The following RBFOX1 variants were observed in gnomAD, a reference collection of about 807,000 sequenced individuals.
RBFOX1 encodes RNA binding fox-1 homolog 1.
A neutral mutation model predicts 57.7 loss-of-function variants in RBFOX1; 8 were observed. The observed-to-expected ratio is 0.14, with a 90% CI of 0.08 to 0.25. RBFOX1 has a LOEUF of 0.25. RBFOX1 is among the 10% of genes least tolerant of loss of function. The pLI is 1.00. For missense variants in RBFOX1, 611 were observed against 548.5 expected, an observed-to-expected ratio of 1.11 and a Z score of -1.14; for synonymous variants, 326 against 222.4, an observed-to-expected ratio of 1.47 and a Z score of -4.15.
intron 1 of RBFOX1, among the ~76,000 whole-genome samples, chr16:6,120,344 C>A (rs75926199): frequency 0.015 from 2,358 of 152,280 alleles, 69 homozygotes; most frequent in African/African-American, 0.053. Context: ...CTTACTGAGG[C>A]ATCAGCAAGC....
At position 6,489,389 on chromosome 16, in the gene RBFOX1, A is replaced by C. The variant is rs146780950; in HGVS notation, c.-63-165214A>C. On this transcript the variant is annotated intron_variant, in intron 2 of 15. Coordinates refer to ENST00000550418, the MANE Select transcript of RBFOX1 (RefSeq NM_018723.4). ...CTCTTGCAAATGCTTTAAAATATTA[A>C]TTCATTGAATCTTTAAGATAAGCCT... is the stretch of plus-strand genomic sequence containing the variant. 6.0e-3 allele frequency among the ~76,000 whole-genome samples: 919 copies of C among 152,274 alleles called. 3 individuals carry two copies. Among genetic ancestry groups the C allele is most frequent in the Middle Eastern group, 0.034 (10 of 294 alleles).
chr16:7,358,568 C>T (rs569404320), intron 4 of RBFOX1, among the ~76,000 whole-genome samples: 2 of 152,116 alleles, frequency 1.3e-5, no homozygotes, highest in African/African-American at 2.4e-5. Context: ...TTACAGGAGT[C>T]TGCCATCATG....
chr16:6,772,113 C>T lies in RBFOX1; in HGVS notation c.-16+117463C>T, dbSNP rs529285666. Among the ~76,000 whole-genome samples the T allele has an allele frequency of 6.6e-5, 10 of 152,226 alleles. No individual in the cohort carries two copies. In the South Asian group the frequency reaches 1.2e-3, roughly 19 times the overall value. On this transcript the variant is annotated intron_variant, in intron 3 of 15. Coordinates refer to ENST00000550418, the MANE Select transcript of RBFOX1 (RefSeq NM_018723.4). ...CTTTCCTGAGGAACAGTCTTCCTTTCAATGCTGTTAACTTCCCCCAAGTTT... is the reference window on the plus strand; with the variant it reads ...CTTTCCTGAGGAACAGTCTTCCTTTTAATGCTGTTAACTTCCCCCAAGTTT...
At chr16:5,918,905 C>G (rs967681765) in intron 4 of RBFOX1, among the ~76,000 whole-genome samples, 8 of 152,298 alleles carry the variant, frequency 5.3e-5, no homozygotes, top group Middle Eastern at 3.4e-3. Flanking sequence ...TTAGGTCCAG[C>G]TCCAAGGAAT....
At chr16:6,910,230 T>C (rs775813106) in intron 3 of RBFOX1, among the ~76,000 whole-genome samples, 4 of 152,052 alleles carry the variant, frequency 2.6e-5, no homozygotes, top group African/African-American at 9.7e-5. Context: ...TCTCATGAGA[T>C]GATTACTTCA....
intron 3 of RBFOX1, among the ~76,000 whole-genome samples, chr16:6,774,620 G>C (rs538303048): frequency 6.6e-6 from 1 of 152,064 alleles, no homozygotes; most frequent in African/African-American, 2.4e-5. Context: ...GTCATCTATA[G>C]GAATTAATTG....
rs143892963 is a variant in RBFOX1, at chr16:6,717,134, G to A, written c.-16+62484G>A. Among the ~76,000 whole-genome samples the A allele has an allele frequency of 2.7e-4, 41 of 152,236 alleles. 1 individual carries two copies. The highest frequency in any genetic ancestry group is 2.3e-3 in the East Asian group (12 of 5,172). On this transcript the variant is annotated intron_variant, in intron 3 of 15. Coordinates refer to ENST00000550418, the MANE Select transcript of RBFOX1 (RefSeq NM_018723.4). ...CCTGGGATTCCTAGACTCTAGAACC[G>A]TGAGAAATAAATGTGTGTTTAAGAT...
intron 4 of RBFOX1, among the ~76,000 whole-genome samples, chr16:7,219,239 A>G (rs2092528121): frequency 6.6e-6 from 1 of 152,200 alleles, no homozygotes; most frequent in Non-Finnish European, 1.5e-5. Flanking sequence ...AATTAACACC[A>G]CAGGGAAAAG....
At chr16:7,217,732 A>T (rs1209731679) in intron 4 of RBFOX1, among the ~76,000 whole-genome samples, 1 of 152,162 alleles carries the variant, frequency 6.6e-6, no homozygotes, top group Admixed American at 6.5e-5. Context: ...AAAAAGCTTT[A>T]TTTACATCAG....
At chr16:5,491,251 C>T (rs896031907) in intron 2 of RBFOX1, among the ~76,000 whole-genome samples, 1 of 152,178 alleles carries the variant, frequency 6.6e-6, no homozygotes, top group African/African-American at 2.4e-5. Flanking sequence ...CCAGCACCCA[C>T]TTGAAGAACT....
chr16:5,562,461 C>T (rs776677915), intron 2 of RBFOX1, among the ~76,000 whole-genome samples: 49 of 152,036 alleles, frequency 3.2e-4, no homozygotes, highest in Non-Finnish European at 6.6e-4. Flanking sequence ...GTGAGATACC[C>T]AGGATGTATA....
intron 3 of RBFOX1, among the ~76,000 whole-genome samples, chr16:5,792,141 C>A (rs78308044): frequency 1.3e-5 from 2 of 152,078 alleles, no homozygotes; most frequent in Non-Finnish European, 2.9e-5. Flanking sequence ...AGCCCGGGAC[C>A]CCAGTCTAAG....
intron 3 of RBFOX1, among the ~76,000 whole-genome samples, chr16:6,880,222 G>T (rs560422418): frequency 1.2e-5 from 1 of 85,278 alleles, no homozygotes; most frequent in African/African-American, 5.3e-5. Context: ...ATTTTCCACC[G>T]GGGGGTAGCA....
chr16:7,138,423 A>G (rs926512060), intron 4 of RBFOX1, among the ~76,000 whole-genome samples: 55 of 152,270 alleles, frequency 3.6e-4, no homozygotes, highest in African/African-American at 1.3e-3. Context: ...AGATTTCCTT[A>G]TTGGCAACGT....
Position 7,446,250 on chromosome 16 carries a change from G to A in RBFOX1, c.28-71897G>A, listed in dbSNP as rs78905285. Among the ~76,000 whole-genome samples the A allele has an allele frequency of 3.6e-3, 541 of 152,296 alleles. 7 individuals carry two copies. The East Asian group carries it at 0.046, about 13-fold the overall frequency. ...CTCCCCAGACCCATGCGAATTGACA[G>A]GAAGGAGGATATTTTAGTTCCTTCT... On this transcript the variant is annotated intron_variant, in intron 4 of 15. Transcript: ENST00000550418.
At chr16:7,653,783 G>GCT (rs3217052) in intron 11 of RBFOX1, 32 bp from the exon 12 acceptor site, 669,142 of 1,504,364 alleles carry the variant, frequency 0.44, 109,773 homozygotes, top group Non-Finnish European at 0.46. Context: ...GACAGCCTGT[G>GCT]CTCTCTCTCT....
chr16:6,638,925 A>T (rs1382594423), intron 2 of RBFOX1, among the ~76,000 whole-genome samples: 2 of 152,326 alleles, frequency 1.3e-5, no homozygotes, highest in African/African-American at 2.4e-5. Flanking sequence ...ACCAGGAAGC[A>T]AAATGCCAAG....
chr16:6,980,501 C>T (rs1015682861), intron 3 of RBFOX1, among the ~76,000 whole-genome samples: 1 of 152,134 alleles, frequency 6.6e-6, no homozygotes, highest in Non-Finnish European at 1.5e-5. Flanking sequence ...CATTCCTAGG[C>T]CCACTGGTTA....
At chr16:5,839,563 A>G (rs1278105676) in intron 3 of RBFOX1, among the ~76,000 whole-genome samples, 2 of 152,320 alleles carry the variant, frequency 1.3e-5, no homozygotes, top group Non-Finnish European at 2.9e-5. Context: ...ATACCTGGCC[A>G]TCAGAGGCTT....
Sources: gnomAD v4.1 joint callset for allele counts (sites outside exome capture counted in the v4.1 genomes callset) on GRCh38, gnomAD v4.1.1 for gene constraint, MANE v1.5 for transcripts, NCBI Gene and HGNC (gene_info 2026-07-23, HGNC 2026-07-21) for gene names.